RPSA2: variants seen among roughly 807,000 people sequenced by gnomAD.
RPSA2 encodes small ribosomal subunit protein uS2B.
At chr19:23,827,207 C>T in the RPSA2 span, 1 of 946,720 alleles carries the variant, frequency 1.1e-6, no homozygotes, top group Non-Finnish European at 1.7e-6. Context: ...GGAGGATGTC[C>T]TTAAGTTCCT....
At chr19:23,761,709 C>T in the RPSA2 span, among the ~76,000 whole-genome samples, 1 of 151,758 alleles carries the variant, frequency 6.6e-6, no homozygotes, top group Non-Finnish European at 1.5e-5. Flanking sequence ...CAAATCAGGA[C>T]ATCCACAAAG....
At chr19:23,847,667 T>G in the RPSA2 span, among the ~76,000 whole-genome samples, 22 of 152,302 alleles carry the variant, frequency 1.4e-4, 1 homozygote, top group East Asian at 1.4e-3. Context: ...TGAGAGCAGA[T>G]AACTGGTCTG....
the RPSA2 span, among the ~76,000 whole-genome samples, chr19:23,795,189 G>GT: frequency 1.4e-5 from 2 of 146,080 alleles, no homozygotes; most frequent in African/African-American, 5.0e-5. Flanking sequence ...TTTTACAATA[G>GT]TTTTTTTTTT....
the RPSA2 span, chr19:23,833,101 A>G: frequency 7.9e-7 from 1 of 1,258,902 alleles, no homozygotes; most frequent in South Asian, 1.5e-5. Context: ...TTCAAGCTTT[A>G]CTAAACATAA....
the RPSA2 span, among the ~76,000 whole-genome samples, chr19:23,847,812 C>T: frequency 6.6e-6 from 1 of 152,198 alleles, no homozygotes; most frequent in African/African-American, 2.4e-5. Flanking sequence ...TAGACCTCCC[C>T]CCAGGAATGC....
At chr19:23,825,832 G>A in the RPSA2 span, among the ~76,000 whole-genome samples, 11 of 152,024 alleles carry the variant, frequency 7.2e-5, no homozygotes, top group Non-Finnish European at 1.6e-4. Context: ...CAGGTGATCT[G>A]CCCGCCTCAG....
chr19:23,786,479 A>G, the RPSA2 span, among the ~76,000 whole-genome samples: 1 of 152,184 alleles, frequency 6.6e-6, no homozygotes, highest in Non-Finnish European at 1.5e-5. Flanking sequence ...AGTATTGTCA[A>G]TTTTGGGTGA....
At chr19:23,803,671 C>T in the RPSA2 span, among the ~76,000 whole-genome samples, 1 of 442 alleles carries the variant, frequency 2.3e-3, no homozygotes, top group African/African-American at 2.3e-3. Flanking sequence ...GGGCGGATCA[C>T]GAGGTCAGGA....
At chr19:23,761,932 T>TCCTTCCTTCCTTCCTTCCTTCCTTCC in the RPSA2 span, among the ~76,000 whole-genome samples, 6 of 53,034 alleles carry the variant, frequency 1.1e-4, no homozygotes, top group African/African-American at 3.9e-4. Flanking sequence ...TTTTTTTTTT[T>TCCTTCCTTCCTTCCTTCCTTCCTTCC]TTTGAGATGG....
the RPSA2 span, among the ~76,000 whole-genome samples, chr19:23,798,305 A>G: frequency 6.6e-6 from 1 of 152,196 alleles, no homozygotes; most frequent in Non-Finnish European, 1.5e-5. Flanking sequence ...TTTATCCAAC[A>G]TGATTATTTA....
the RPSA2 span, among the ~76,000 whole-genome samples, chr19:23,769,032 C>T: frequency 1.3e-5 from 2 of 152,148 alleles, no homozygotes; most frequent in African/African-American, 4.8e-5. Context: ...ATGACTTATT[C>T]CTGAGTTTAG....
the RPSA2 span, among the ~76,000 whole-genome samples, chr19:23,853,314 A>T: frequency 6.6e-6 from 1 of 152,262 alleles, no homozygotes; most frequent in Non-Finnish European, 1.5e-5. Flanking sequence ...TTTAATTACA[A>T]CATTAATGGC....
chr19:23,804,067 C>T, the RPSA2 span, among the ~76,000 whole-genome samples: 4 of 152,058 alleles, frequency 2.6e-5, no homozygotes, highest in East Asian at 7.7e-4. Context: ...TTATTGAGAA[C>T]ACAGTACCTG....
chr19:23,780,307 A>G, the RPSA2 span, among the ~76,000 whole-genome samples: 1 of 152,144 alleles, frequency 6.6e-6, no homozygotes, highest in East Asian at 1.9e-4. Flanking sequence ...AAGCCCACCG[A>G]TGAGGCCATA....
chr19:23,769,384 C>T, the RPSA2 span, among the ~76,000 whole-genome samples: 1 of 152,044 alleles, frequency 6.6e-6, no homozygotes, highest in Non-Finnish European at 1.5e-5. Flanking sequence ...GGCTCTGTCA[C>T]CCAGGCTGGA....
chr19:23,770,739 T>A, the RPSA2 span, among the ~76,000 whole-genome samples: 1 of 152,162 alleles, frequency 6.6e-6, no homozygotes, highest in South Asian at 2.1e-4. Flanking sequence ...CTAGGTGATG[T>A]GACTCTGCTG....
chr19:23,791,113 G>A, the RPSA2 span, among the ~76,000 whole-genome samples: 3 of 152,220 alleles, frequency 2.0e-5, no homozygotes, highest in Non-Finnish European at 4.4e-5. Context: ...TATTAAAAAT[G>A]TATGGGTGTC....
chr19:23,794,725 A>G, the RPSA2 span, among the ~76,000 whole-genome samples: 4 of 152,260 alleles, frequency 2.6e-5, no homozygotes, highest in African/African-American at 9.6e-5. Flanking sequence ...TTTTGTTGCA[A>G]TGGCTTTTGG....
chr19:23,775,139 A>T, the RPSA2 span, among the ~76,000 whole-genome samples: 2 of 152,212 alleles, frequency 1.3e-5, no homozygotes, highest in African/African-American at 4.8e-5. Context: ...TGGTACAGAG[A>T]GTGTCCTAAC....
Sources: gnomAD v4.1 joint callset for allele counts (sites outside exome capture counted in the v4.1 genomes callset) on GRCh38, gnomAD v4.1.1 for gene constraint, MANE v1.5 for transcripts, NCBI Gene and HGNC (gene_info 2026-07-23, HGNC 2026-07-21) for gene names.